WDR7: variants seen among roughly 807,000 people sequenced by gnomAD.
The protein encoded by WDR7 is WD repeat-containing protein 7.
Under a neutral mutation model 169.4 loss-of-function variants are expected in WDR7, and 46 were observed. That is an observed-to-expected ratio of 0.27 (90% confidence interval 0.21 to 0.35). WDR7 has a LOEUF of 0.35. Among genes scored for constraint, WDR7 ranks in the 10% least tolerant of loss-of-function variants. WDR7 has a pLI of 1.00. For missense variants in WDR7, 1,534 were observed against 1,859.3 expected, an observed-to-expected ratio of 0.83 and a Z score of 3.22; for synonymous variants, 612 against 666.8, an observed-to-expected ratio of 0.92 and a Z score of 1.27.
At chr18:56,741,708 T>C (rs1356999640) in intron 14 of WDR7, among the ~76,000 whole-genome samples, 2 of 152,224 alleles carry the variant, frequency 1.3e-5, no homozygotes, top group Admixed American at 6.5e-5. Context: ...TTGAAGGAAA[T>C]GAGTTTTAGG....
intron 25 of WDR7, among the ~76,000 whole-genome samples, chr18:56,949,361 A>G (rs2047149857): frequency 6.6e-6 from 1 of 152,212 alleles, no homozygotes; most frequent in Non-Finnish European, 1.5e-5. Context: ...CTCATTTTGC[A>G]TTGATGTAGA....
intron 19 of WDR7, among the ~76,000 whole-genome samples, chr18:56,798,762 T>C (rs1302607529): frequency 6.6e-6 from 1 of 152,208 alleles, no homozygotes; most frequent in African/African-American, 2.4e-5. Context: ...GATTATATAA[T>C]TTGTATTATA....
At chr18:56,853,477 A>G (rs985030155) in intron 20 of WDR7, among the ~76,000 whole-genome samples, 36 of 152,124 alleles carry the variant, frequency 2.4e-4, no homozygotes, top group African/African-American at 8.2e-4. Flanking sequence ...ACACCCAAAC[A>G]TCTTTGATTC....
intron 26 of WDR7, among the ~76,000 whole-genome samples, chr18:56,980,574 G>C (rs1041263626): frequency 1.3e-5 from 2 of 149,304 alleles, no homozygotes; most frequent in African/African-American, 5.2e-5. Flanking sequence ...AATAATTAAA[G>C]AAACACATTA....
rs914148573 is a variant in WDR7, at chr18:56,686,874, A to T, written c.617A>T (p.Glu206Val). Residue 206 changes from glutamate (E) to valine (V), a missense_variant, in exon 7 of 28, where the codon GAG becomes GTG. Coordinates refer to ENST00000254442, the MANE Select transcript of WDR7 (RefSeq NM_015285.3). The stretch of plus-strand genomic sequence containing the variant: ...TTTCAGGATACTGAGCCAATATTTG[A>T]GGAGGAATCCAAACCAATTTATTGT... ...SDMQDTEPIFEEESKPIYCQN... is the reference protein window; with the variant it reads ...SDMQDTEPIFVEESKPIYCQN... 6.2e-7 allele frequency: 1 copy of T among 1,603,214 alleles called. No homozygotes were observed. Among genetic ancestry groups the T allele is most frequent in the Non-Finnish European group, 8.5e-7 (1 of 1,170,496 alleles).
At chr18:56,913,366 A>G (rs946856730) in intron 21 of WDR7, among the ~76,000 whole-genome samples, 11 of 152,154 alleles carry the variant, frequency 7.2e-5, no homozygotes, top group East Asian at 1.9e-4. Context: ...TCGTTTCACT[A>G]CATGTAACCA....
chr18:57,017,721 A>G (rs978035348), intron 26 of WDR7, among the ~76,000 whole-genome samples: 4 of 152,228 alleles, frequency 2.6e-5, no homozygotes, highest in African/African-American at 9.6e-5. Context: ...GTAAAGCAAG[A>G]CAGTGTTAGG....
chr18:56,757,324 G>C lies in WDR7; in HGVS notation c.2731G>C (p.Gly911Arg). Residue 911 changes from glycine to arginine, a missense_variant, in exon 15 of 28, where the codon GGT (glycine) becomes CGT (arginine). Physicochemically the swap from Gly to Arg is moderately radical, Grantham distance 125. Transcript: ENST00000254442. ...LMSMTNATFI[G>R]DHMKKGPTRP... ...GAGTATGACCAATGCAACTTTTATT[G>C]GTGATCATATGAAGAAGGGTCCTAC... 2 of 1,610,232 alleles carry C rather than the reference G, an allele frequency of 1.2e-6. No individual in the cohort carries two copies. The highest frequency in any genetic ancestry group is 3.3e-4 in the Middle Eastern group (2 of 6,054).
intron 14 of WDR7, among the ~76,000 whole-genome samples, chr18:56,740,067 T>G (rs1293291126): frequency 6.6e-6 from 1 of 151,966 alleles, no homozygotes; most frequent in African/African-American, 2.4e-5. Context: ...TTTAAAAAAT[T>G]GTTTTTCGTA....
intron 14 of WDR7, among the ~76,000 whole-genome samples, chr18:56,738,158 A>C (rs1027325599): frequency 6.6e-6 from 1 of 152,230 alleles, no homozygotes; most frequent in African/African-American, 2.4e-5. Flanking sequence ...CAAATAAAGG[A>C]AACGTTTGTC....
intron 26 of WDR7, among the ~76,000 whole-genome samples, chr18:57,006,859 G>A (rs114481683): frequency 0.015 from 2,308 of 152,068 alleles, 71 homozygotes; most frequent in African/African-American, 0.053. Flanking sequence ...TTGTGTGTTC[G>A]AGAAGAATCT....
At position 56,823,236 on chromosome 18, in the gene WDR7, G is replaced by A. The variant is rs115129369; in HGVS notation, c.3304+7092G>A. Among the ~76,000 whole-genome samples the A allele has an allele frequency of 8.2e-3, 1,240 of 152,022 alleles. 20 individuals carry two copies. The highest frequency in any genetic ancestry group is 0.026 in the African/African-American group (1,090 of 41,442). ...GCCTTCTCTTTTCAATATCAGATTC[G>A]TATGTCCTCCTGCCTGAATGTCCTG... On this transcript the variant is annotated intron_variant, in intron 20 of 27. Coordinates refer to ENST00000254442, the MANE Select transcript of WDR7 (RefSeq NM_015285.3).
chr18:56,969,169 T>G (rs1036482645), intron 26 of WDR7, among the ~76,000 whole-genome samples: 9 of 152,330 alleles, frequency 5.9e-5, no homozygotes, highest in African/African-American at 1.7e-4. Context: ...ACCAGCATCC[T>G]TTCTAACCTG....
At chr18:56,894,214 C>T (rs1025888363) in intron 21 of WDR7, among the ~76,000 whole-genome samples, 3 of 152,014 alleles carry the variant, frequency 2.0e-5, no homozygotes, top group Non-Finnish European at 2.9e-5. Context: ...CCTGCCTCAC[C>T]GTTTTTCCCT....
At position 56,809,340 on chromosome 18, in the gene WDR7, G is replaced by T. The variant is rs55805878; in HGVS notation, c.3191-6691G>T. Reference sequence around the variant, plus strand: ...TTATTTTCTAGTATATTTAAATAACGCAATTTGTGCCATGAGATAAAGTAT... The same window carrying T: ...TTATTTTCTAGTATATTTAAATAACTCAATTTGTGCCATGAGATAAAGTAT... On this transcript the variant is annotated intron_variant, in intron 19 of 27. Transcript: ENST00000254442. Among the ~76,000 whole-genome samples the T allele has an allele frequency of 6.0e-3, 913 of 151,736 alleles. 6 individuals carry two copies. The highest frequency in any genetic ancestry group is 0.02 in the African/African-American group (815 of 41,374).
At chr18:56,915,106 T>C (rs1227346209) in intron 21 of WDR7, among the ~76,000 whole-genome samples, 1 of 152,236 alleles carries the variant, frequency 6.6e-6, no homozygotes, top group Non-Finnish European at 1.5e-5. Context: ...AAATGACTTA[T>C]TTTTATGCAG....
intron 25 of WDR7, among the ~76,000 whole-genome samples, chr18:56,952,937 G>A (rs1440128727): frequency 6.6e-6 from 1 of 152,146 alleles, no homozygotes; most frequent in African/African-American, 2.4e-5. Flanking sequence ...CAGAGGTCGG[G>A]GGAGAAAGGA....
intron 27 of WDR7, among the ~76,000 whole-genome samples, chr18:57,026,447 A>T (rs186039604): frequency 1.4e-3 from 220 of 152,360 alleles, no homozygotes; most frequent in Middle Eastern, 3.4e-3. Context: ...CTTTCCAGAA[A>T]GCGAGTTTTT....
chr18:56,864,011 CTTAAAATGT>C (rs1299900222), intron 20 of WDR7, among the ~76,000 whole-genome samples: 2 of 151,680 alleles, frequency 1.3e-5, no homozygotes, highest in Admixed American at 6.6e-5. Context: ...ATTTCTGAGG[CTTAAAATGT>C]TTTATAAATT....
Sources: allele counts gnomAD v4.1 joint callset (sites outside exome capture counted in the v4.1 genomes callset), GRCh38; gene constraint gnomAD v4.1.1; transcripts MANE v1.5; gene names NCBI Gene and HGNC (gene_info 2026-07-23, HGNC 2026-07-21).